Variants in TADA1 observed in about 807,000 individuals in gnomAD.
TADA1 encodes transcriptional adapter 1.
In TADA1, 23 loss-of-function variants were observed where a neutral mutation model predicts 39.3. The observed-to-expected ratio is 0.58, with a 90% confidence interval of 0.42 to 0.83. TADA1 has a LOEUF of 0.83. TADA1 is among the 40% of genes least tolerant of loss of function. TADA1 has a pLI of 0.00. For missense variants in TADA1, 352 were observed against 408.1 expected (o/e 0.86, Z 1.18); for synonymous variants, 137 against 151.8 (o/e 0.90, Z 0.72).
At chr1:166,858,038 A>T in intron 7 of TADA1, 81 bp downstream of exon 7, 1 of 1,526,624 alleles carries the variant, frequency 6.6e-7, no homozygotes, top group Non-Finnish European at 8.9e-7. Context: ...AGTGGAAAAA[A>T]CCAGTGAATA....
At chr1:166,857,789 T>C (rs932013130) in intron 7 of TADA1, 70 bp from the exon 8 acceptor site, 1 of 1,519,036 alleles carries the variant, frequency 6.6e-7, no homozygotes, top group African/African-American at 1.4e-5. Flanking sequence ...TATAAAAGGG[T>C]TTATATCAAC....
At chr1:166,876,101 C>A in intron 1 of TADA1, 59 bp downstream of exon 1, 1 of 1,513,956 alleles carries the variant, frequency 6.6e-7, no homozygotes, top group Non-Finnish European at 8.9e-7. Context: ...GGGCTGGCAG[C>A]CCGAGGCCAG....
chr1:166,870,674 C>T (rs565192721), intron 1 of TADA1, among the ~76,000 whole-genome samples: 1 of 152,116 alleles, frequency 6.6e-6, no homozygotes, highest in Admixed American at 6.5e-5. Flanking sequence ...ACAAAAAATA[C>T]AAAACTTAGC....
At chr1:166,870,982 T>C (rs1039977225) in intron 1 of TADA1, among the ~76,000 whole-genome samples, 5 of 152,128 alleles carry the variant, frequency 3.3e-5, no homozygotes, top group Non-Finnish European at 5.9e-5. Context: ...TATTTTAAAC[T>C]GTGTGTGTTT....
At chr1:166,865,797 C>T (rs896142530) in intron 3 of TADA1, among the ~76,000 whole-genome samples, 1 of 150,164 alleles carries the variant, frequency 6.7e-6, no homozygotes, top group Non-Finnish European at 1.5e-5. Context: ...CCAGCATGGG[C>T]GACAGAGTGA....
intron 3 of TADA1, among the ~76,000 whole-genome samples, chr1:166,867,666 C>A (rs1658566426): frequency 6.6e-6 from 1 of 152,016 alleles, no homozygotes; most frequent in African/African-American, 2.4e-5. Context: ...CTCTACCTCC[C>A]AGGTTCAAGC....
At chr1:166,863,698 C>G (rs1658466895) in intron 4 of TADA1, 126 bp downstream of exon 4, 5 of 873,166 alleles carry the variant, frequency 5.7e-6, no homozygotes, top group Non-Finnish European at 9.1e-6. Flanking sequence ...GCTTTTCTTC[C>G]CAAATCATAC....
At chr1:166,872,154 T>A in intron 1 of TADA1, among the ~76,000 whole-genome samples, 1 of 152,252 alleles carries the variant, frequency 6.6e-6, no homozygotes, top group East Asian at 1.9e-4. Flanking sequence ...TTTGGATATT[T>A]GACCAAACCT....
At chr1:166,867,109 G>C (rs754030042) in intron 3 of TADA1, among the ~76,000 whole-genome samples, 1 of 151,904 alleles carries the variant, frequency 6.6e-6, no homozygotes, top group African/African-American at 2.4e-5. Context: ...ATAATCCTAC[G>C]GGGTAGATAT....
At chr1:166,862,134 C>G in intron 5 of TADA1, 69 bp downstream of exon 5, 1 of 1,436,866 alleles carries the variant, frequency 7.0e-7, no homozygotes. Flanking sequence ...CTTGCAATAC[C>G]GACTTTAAAC....
Position 166,857,614 on chromosome 1 carries a change from C to G in TADA1, c.961G>C (p.Val321Leu), listed in dbSNP as rs760969181. 11 of 1,614,190 alleles carry G rather than the reference C, an allele frequency of 6.8e-6. No individual in the cohort carries two copies. The highest frequency in any genetic ancestry group is 9.3e-6 in the Non-Finnish European group (11 of 1,180,042). ...PNHEELQQDK[V>L]HRQRLAAKEG... ...TTGGCTGCCAAGCGCTGGCGGTGAA[C>G]TTTGTCTTGCTGCAGCTCTTCATGA... Residue 321 changes from valine to leucine, a missense_variant, in exon 8 of 8, where the codon GTT (valine) becomes CTT (leucine). Val to Leu is a conservative substitution (Grantham distance 32, BLOSUM62 1). Around this residue, in one of 3 missense-constraint regions of TADA1, gnomAD observed 285 missense variants for 310.9 expected, o/e 0.92. Coordinates refer to ENST00000367874, the MANE Select transcript of TADA1 (RefSeq NM_053053.4).
At chr1:166,863,758 A>T in intron 4 of TADA1, 66 bp downstream of exon 4, 1 of 1,409,242 alleles carries the variant, frequency 7.1e-7, no homozygotes, top group Non-Finnish European at 1.0e-6. Context: ...TTTAAAAACT[A>T]AAGCTAGTCC....
chr1:166,876,185 C>T lies in TADA1; in HGVS notation c.49G>A (p.Glu17Lys), dbSNP rs1335544696. The T allele has an allele frequency of 4.3e-6, 7 of 1,613,854 alleles. No homozygotes were observed. The highest frequency in any genetic ancestry group is 5.9e-6 in the Non-Finnish European group (7 of 1,179,924). Residue 17 changes from glutamate to lysine, a missense_variant, in exon 1 of 8, where the codon GAG becomes AAG. This residue lies in a region of TADA1 where 31 missense variants were observed against 25.1 expected (regional missense o/e 1.23). Transcript: ENST00000367874. ...TGTTTCACGTTGTCCCCCAGGGCCTCGCTTAAGTTCTTCTTGGCCGCCTCC... is the reference window on the plus strand; with the variant it reads ...TGTTTCACGTTGTCCCCCAGGGCCTTGCTTAAGTTCTTCTTGGCCGCCTCC... ...ELEAAKKNLS[E>K]ALGDNVKQYW...
At chr1:166,859,742 G>A (rs1324653426) in intron 6 of TADA1, among the ~76,000 whole-genome samples, 2 of 151,276 alleles carry the variant, frequency 1.3e-5, no homozygotes, top group Non-Finnish European at 2.9e-5. Flanking sequence ...GCCTACAAGA[G>A]CCAGATGAGG....
intron 1 of TADA1, among the ~76,000 whole-genome samples, chr1:166,871,836 A>T (rs904348617): frequency 2.0e-5 from 3 of 152,172 alleles, no homozygotes; most frequent in African/African-American, 7.2e-5. Flanking sequence ...AACAACAACA[A>T]AAAAAATAAA....
In TADA1 at chr1:166,863,945, A is replaced by G. The variant is rs201199159; in HGVS notation, c.233-24T>C. The G allele has an allele frequency of 2.3e-4, 363 of 1,558,158 alleles. No homozygotes were observed. The African/African-American group carries it at 4.4e-3, about 19-fold the overall frequency. On this transcript the variant is annotated intron_variant, in intron 3 of 7. Transcript: ENST00000367874. Reference sequence around the variant, plus strand: ...ATCTAGGAGACAGAAATATATAACCATAAGTAAAAATAATGACAACTGATA... The same window carrying G: ...ATCTAGGAGACAGAAATATATAACCGTAAGTAAAAATAATGACAACTGATA...
chr1:166,869,482 G>A lies in TADA1; in HGVS notation c.195C>T (p.Ala65=), dbSNP rs1453451351. 2 of 1,613,708 alleles carry A rather than the reference G, an allele frequency of 1.2e-6. No individual in the cohort carries two copies. Among genetic ancestry groups the A allele is most frequent in the South Asian group, 2.2e-5 (2 of 91,054 alleles). ...NVHSHNDFLL[A]ILTRCQILVS... ...CCAAAATCTGACAACGCGTGAGAATGGCCAGGAGGAAATCATTGTGAGAAT... is the reference window on the plus strand; with the variant it reads ...CCAAAATCTGACAACGCGTGAGAATAGCCAGGAGGAAATCATTGTGAGAAT... Residue 65 remains alanine, a synonymous_variant, in exon 3 of 8, where the codon GCC becomes GCT. Transcript: ENST00000367874.
chr1:166,859,775 C>T (rs1571236908), intron 6 of TADA1, among the ~76,000 whole-genome samples: 1 of 60,994 alleles, frequency 1.6e-5, no homozygotes, highest in African/African-American at 5.7e-5. Context: ...ATCTACCACT[C>T]CTCCTCCTCC....
At chr1:166,873,631 G>A (rs982290804) in intron 1 of TADA1, among the ~76,000 whole-genome samples, 2 of 152,112 alleles carry the variant, frequency 1.3e-5, no homozygotes, top group Non-Finnish European at 2.9e-5. Flanking sequence ...TAACCCAGAG[G>A]TACTTTTTAA....
Sources: gnomAD v4.1 joint callset for allele counts (sites outside exome capture counted in the v4.1 genomes callset) on GRCh38, gnomAD v4.1.1 for gene constraint, gnomAD v4.1.1 regional missense constraint, MANE v1.5 for transcripts, NCBI Gene and HGNC (gene_info 2026-07-23, HGNC 2026-07-21) for gene names.